Variants in NCKAP5 observed in about 807,000 individuals in gnomAD.
The protein encoded by NCKAP5 is nck-associated protein 5.
A neutral mutation model predicts 167.0 loss-of-function variants in NCKAP5; 92 were observed. The ratio of observed to expected loss-of-function variants is 0.55; its 90% confidence interval spans 0.47 to 0.66. The LOEUF (loss-of-function observed/expected upper bound fraction) is 0.66, where lower values mean the gene tolerates loss of function less well. Ranked by LOEUF, NCKAP5 falls within the 30% of genes least tolerant of loss-of-function variation. The pLI, the probability that NCKAP5 is intolerant of heterozygous loss-of-function variation, is 0.00. For missense variants in NCKAP5, 2,378 were observed against 2,315.0 expected, an observed-to-expected ratio of 1.03 and a Z score of -0.56; for synonymous variants, 891 against 877.4, an observed-to-expected ratio of 1.02 and a Z score of -0.27.
At chr2:133,580,153 T>C in the NCKAP5 span, among the ~76,000 whole-genome samples, 1 of 152,220 alleles carries the variant, frequency 6.6e-6, no homozygotes, top group Non-Finnish European at 1.5e-5. Context: ...AATTGTTTAC[T>C]CATCCATGAA....
intron 3 of NCKAP5, among the ~76,000 whole-genome samples, chr2:133,369,537 C>T (rs2150904379): frequency 6.6e-6 from 1 of 152,306 alleles, no homozygotes; most frequent in Middle Eastern, 3.4e-3. Context: ...GGCCAAGGGG[C>T]TAGGTTCAAA....
the NCKAP5 span, among the ~76,000 whole-genome samples, chr2:133,618,446 A>T: frequency 6.6e-6 from 1 of 151,266 alleles, no homozygotes; most frequent in Non-Finnish European, 1.5e-5. Context: ...ATGAACTCAA[A>T]CAAATTTACA....
At chr2:133,158,051 C>A (rs1464456597) in intron 5 of NCKAP5, among the ~76,000 whole-genome samples, 4 of 152,128 alleles carry the variant, frequency 2.6e-5, no homozygotes, top group Admixed American at 6.6e-5. Flanking sequence ...AGATGTGCTT[C>A]TAAATGAAAG....
At chr2:133,047,077 T>C (rs1347532050) in intron 6 of NCKAP5, among the ~76,000 whole-genome samples, 1 of 152,206 alleles carries the variant, frequency 6.6e-6, no homozygotes, top group African/African-American at 2.4e-5. Flanking sequence ...CACACATACC[T>C]TAGTAAATTC....
At chr2:132,841,187 A>G (rs1574390557) in intron 11 of NCKAP5, among the ~76,000 whole-genome samples, 4 of 152,066 alleles carry the variant, frequency 2.6e-5, no homozygotes, top group Admixed American at 2.0e-4. Flanking sequence ...TCAGACATGT[A>G]TTCTTCCAAA....
chr2:133,126,141 A>G (rs988411336), intron 6 of NCKAP5, among the ~76,000 whole-genome samples: 7 of 152,150 alleles, frequency 4.6e-5, no homozygotes, highest in African/African-American at 1.7e-4. Context: ...TCATCCTGAC[A>G]CCTGAACTCT....
chr2:133,086,379 G>A (rs2080991879), intron 6 of NCKAP5, among the ~76,000 whole-genome samples: 2 of 152,100 alleles, frequency 1.3e-5, no homozygotes, highest in African/African-American at 2.4e-5. Flanking sequence ...GACTCACACC[G>A]GTAATCTCCG....
the NCKAP5 span, among the ~76,000 whole-genome samples, chr2:133,669,612 A>C: frequency 1.3e-5 from 2 of 152,344 alleles, no homozygotes; most frequent in Non-Finnish European, 2.9e-5. Flanking sequence ...TACTATTACC[A>C]AATATCACTG....
chr2:132,978,873 C>T (rs1014459857), intron 7 of NCKAP5, among the ~76,000 whole-genome samples: 17 of 152,230 alleles, frequency 1.1e-4, no homozygotes, highest in Non-Finnish European at 1.5e-5. Context: ...AAGGATGCTG[C>T]CTGGTTCTCC....
intron 5 of NCKAP5, among the ~76,000 whole-genome samples, chr2:133,180,547 C>A (rs2084686299): frequency 6.6e-6 from 1 of 152,082 alleles, no homozygotes; most frequent in Non-Finnish European, 1.5e-5. Flanking sequence ...CTATGTTACC[C>A]AGGCTGGTCT....
chr2:133,516,009 G>A (rs1481389360), intron 3 of NCKAP5, among the ~76,000 whole-genome samples: 2 of 152,206 alleles, frequency 1.3e-5, no homozygotes, highest in Non-Finnish European at 2.9e-5. Flanking sequence ...TAAAACTTGA[G>A]ATCTGAGGCA....
chr2:133,198,672 G>A (rs1209429275), intron 5 of NCKAP5, among the ~76,000 whole-genome samples: 2 of 152,060 alleles, frequency 1.3e-5, no homozygotes, highest in Admixed American at 1.3e-4. Context: ...CATCATATTT[G>A]TGGATTAAAA....
intron 9 of NCKAP5, among the ~76,000 whole-genome samples, chr2:132,873,773 A>G (rs144006489): frequency 6.6e-6 from 1 of 152,322 alleles, no homozygotes; most frequent in African/African-American, 2.4e-5. Context: ...TGCATAATAA[A>G]TGAGTGCTCA....
intron 8 of NCKAP5, chr2:132,931,063 A>C (rs533612393): frequency 6.6e-6 from 1 of 152,336 alleles, no homozygotes; most frequent in South Asian, 2.1e-4. Context: ...ACCTAAATGT[A>C]ATGCTTTCCA....
At chr2:133,176,305 TG>T (rs1365249983) in intron 5 of NCKAP5, among the ~76,000 whole-genome samples, 1 of 152,234 alleles carries the variant, frequency 6.6e-6, no homozygotes, top group Admixed American at 6.5e-5. Flanking sequence ...GCCATAACAC[TG>T]TGATTTATTT....
chr2:133,044,722 A>G (rs1479110874), intron 6 of NCKAP5, among the ~76,000 whole-genome samples: 2 of 152,172 alleles, frequency 1.3e-5, no homozygotes, highest in Non-Finnish European at 2.9e-5. Context: ...ACTCCTACTT[A>G]TTTATATGTC....
intron 5 of NCKAP5, among the ~76,000 whole-genome samples, chr2:133,189,959 A>G (rs2085135718): frequency 6.6e-6 from 1 of 152,140 alleles, no homozygotes; most frequent in Admixed American, 6.6e-5. Flanking sequence ...AAGGGTATTC[A>G]ATTAGGAAAA....
intron 3 of NCKAP5, among the ~76,000 whole-genome samples, chr2:133,335,820 T>TTCA (rs1683175644): frequency 2.0e-5 from 3 of 152,228 alleles, no homozygotes; most frequent in Admixed American, 2.0e-4. Context: ...TTTTATTTTC[T>TTCA]AGTTCAGTTC....
At chr2:132,987,153 C>T (rs2077313502) in intron 7 of NCKAP5, among the ~76,000 whole-genome samples, 1 of 152,192 alleles carries the variant, frequency 6.6e-6, no homozygotes, top group South Asian at 2.1e-4. Context: ...TAAGTTCCCT[C>T]AATAAATCCT....
Sources: gnomAD v4.1 joint callset for allele counts (sites outside exome capture counted in the v4.1 genomes callset) on GRCh38, gnomAD v4.1.1 for gene constraint, MANE v1.5 for transcripts, NCBI Gene and HGNC (gene_info 2026-07-23, HGNC 2026-07-21) for gene names.